The following RNF128 variants were observed in gnomAD, a reference collection of about 807,000 sequenced individuals.
RNF128 encodes the protein ring finger protein 128, also known as E3 ubiquitin-protein ligase RNF128.
Under a neutral mutation model 26.2 loss-of-function variants are expected in RNF128, and 13 were observed. The ratio of observed to expected loss-of-function variants is 0.50; its 90% CI spans 0.32 to 0.79. The LOEUF (loss-of-function observed/expected upper bound fraction) is 0.79, where lower values mean the gene tolerates loss of function less well. Ranked by LOEUF, RNF128 falls within the 30% of genes least tolerant of loss-of-function variation. RNF128 has a pLI of 0.03. For missense variants in RNF128, 315 were observed against 349.7 expected (o/e 0.90, Z 0.79); for synonymous variants, 149 against 142.5 (o/e 1.05, Z -0.32).
At chrX:106,791,384 C>T in intron 6 of RNF128, 150 bp downstream of exon 6, 2 of 418,706 alleles carry the variant, frequency 4.8e-6, no homozygotes, top group Middle Eastern at 7.7e-4. Context: ...GAAGGATGCA[C>T]CCCTACCTTA....
intron 1 of RNF128, among the ~76,000 whole-genome samples, chrX:106,758,148 T>C (rs1316683405): frequency 1.8e-5 from 2 of 111,925 alleles, no homozygotes; most frequent in African/African-American, 6.5e-5. Context: ...GCACACAATC[T>C]GAAAAAGAAA....
chrX:106,726,927 C>T lies in RNF128; in HGVS notation c.14C>T (p.Pro5Leu), dbSNP rs371528767. The T allele has an allele frequency of 2.4e-4, 287 of 1,175,598 alleles. No homozygotes were observed. The highest frequency in any genetic ancestry group is 2.5e-4 in the Admixed American group (10 of 40,285). ...AGCGCGCGCGCCATGGGGCCGCCGC[C>T]TGGGGCCGGGGTCTCCTGCCGCGGT... is the stretch of plus-strand genomic sequence containing the variant. MGPP[P>L]GAGVSCRGGC... The change falls in exon 1 of 7, where the codon CCT (proline) becomes CTT (leucine). Residue 5 changes from proline (P) to leucine (L), a missense_variant. Transcript: ENST00000255499.
rs927321172 is a variant in RNF128 at position 106,791,081 on chromosome X, G to A, written c.1000G>A (p.Gly334Arg). Residue 334 changes from glycine (G) to arginine (R), a missense_variant, in exon 6 of 7, where the codon GGA (glycine) becomes AGA (arginine). Transcript: ENST00000255499. ...TTCTTTAAAGGTGGATGTTGAAGATGGATCAGTGTCTTTACAAGTCCCTGT... is the reference window on the plus strand; with the variant it reads ...TTCTTTAAAGGTGGATGTTGAAGATAGATCAGTGTCTTTACAAGTCCCTGT... Reference protein sequence around the residue: ...ALGIEVDVEDGSVSLQVPVSN... With the variant: ...ALGIEVDVEDRSVSLQVPVSN... 4 of 1,204,002 alleles carry A rather than the reference G, an allele frequency of 3.3e-6. No individual in the cohort carries two copies. The highest frequency in any genetic ancestry group is 4.5e-6 in the Non-Finnish European group (4 of 891,457).
intron 1 of RNF128, among the ~76,000 whole-genome samples, chrX:106,754,354 G>T (rs1443450163): frequency 9.5e-6 from 1 of 105,378 alleles, no homozygotes. Flanking sequence ...CCAAGTAGCT[G>T]GGACTACAGT....
At chrX:106,712,676 T>A (rs1235735983) in intron 1 of RNF128, among the ~76,000 whole-genome samples, 1 of 111,235 alleles carries the variant, frequency 9.0e-6, no homozygotes, top group Non-Finnish European at 1.9e-5. Context: ...TCTTCCCTCT[T>A]AACTGAGTTA....
chrX:106,758,712 C>A (rs1304432867), intron 1 of RNF128, among the ~76,000 whole-genome samples: 2 of 111,714 alleles, frequency 1.8e-5, no homozygotes, highest in Non-Finnish European at 3.8e-5. Context: ...ATGCTGCTGG[C>A]AAAACTGCAT....
chrX:106,700,149 A>C (rs1246162846), intron 1 of RNF128, among the ~76,000 whole-genome samples: 1 of 108,829 alleles, frequency 9.2e-6, no homozygotes, highest in Non-Finnish European at 1.9e-5. Context: ...CAGCCTCCCA[A>C]GTAGCTGGGA....
intron 1 of RNF128, among the ~76,000 whole-genome samples, chrX:106,765,747 AGGC>A (rs1357810800): frequency 9.0e-6 from 1 of 111,322 alleles, no homozygotes; most frequent in African/African-American, 3.3e-5. Context: ...TTTAAGTTCT[AGGC>A]TACATGTGCA....
At chrX:106,718,383 G>A (rs187066769) in intron 1 of RNF128, among the ~76,000 whole-genome samples, 1 of 111,538 alleles carries the variant, frequency 9.0e-6, no homozygotes, top group East Asian at 2.8e-4. Flanking sequence ...ACTTTCTGTG[G>A]CTCTAGAGTT....
rs765251558 is a variant in RNF128, at chrX:106,791,316, G to A, written c.1153+82G>A. The A allele has an allele frequency of 1.1e-5, 10 of 937,772 alleles. No individual in the cohort carries two copies. In the African/African-American group the frequency reaches 1.2e-4, roughly 11 times the overall value. 77.3% of individuals were successfully genotyped at this position (937,772 alleles called of 1,213,427 possible). On this transcript the variant is annotated intron_variant, in intron 6 of 6. Coordinates refer to ENST00000255499, the MANE Select transcript of RNF128 (RefSeq NM_194463.2). ...CTGTATAGTACTCTTGCTTTTTAGC[G>A]TTTGTTCCATTCAGCCATTATCATG...
intron 1 of RNF128, among the ~76,000 whole-genome samples, chrX:106,699,800 C>T (rs185711419): frequency 9.0e-6 from 1 of 111,316 alleles, no homozygotes; most frequent in Admixed American, 9.6e-5. Flanking sequence ...TTCTCCAACA[C>T]GTGAAGCTTT....
chrX:106,763,142 G>A (rs1385359802), intron 1 of RNF128, among the ~76,000 whole-genome samples: 1 of 108,880 alleles, frequency 9.2e-6, no homozygotes, highest in African/African-American at 3.3e-5. Flanking sequence ...CAAGCAGAAA[G>A]GTCAACTCTA....
chrX:106,776,838 G>A (rs1476465275), intron 2 of RNF128, among the ~76,000 whole-genome samples: 1 of 111,516 alleles, frequency 9.0e-6, no homozygotes, highest in African/African-American at 3.3e-5. Flanking sequence ...GTACTCCCAT[G>A]GGAGGGAAAT....
upstream of RNF128, among the ~76,000 whole-genome samples, chrX:106,725,604 T>A (rs777371089): frequency 8.0e-5 from 9 of 112,574 alleles, no homozygotes; most frequent in Non-Finnish European, 1.1e-4. Context: ...TAGAATTGTG[T>A]CTCTGAACCT....
In RNF128 at chrX:106,699,977, A is replaced by T. The variant is rs1015114946; in HGVS notation, c.406+5569A>T. On this transcript the variant is annotated intron_variant, in intron 1 of 6. Coordinates refer to the RNF128 transcript ENST00000324342. ...CTTCAGGTCGTTCTTGTTAAAATTT[A>T]TTTTAATGTATATTTTCTTTTTTAA... 1.6e-4 allele frequency among the ~76,000 whole-genome samples: 18 copies of T among 110,106 alleles called. No homozygotes were observed. The Admixed American group carries it at 1.6e-3, about 10-fold the overall frequency.
At chrX:106,708,978 G>A (rs1929084219) in intron 1 of RNF128, among the ~76,000 whole-genome samples, 1 of 111,356 alleles carries the variant, frequency 9.0e-6, no homozygotes, top group African/African-American at 3.3e-5. Flanking sequence ...AAATTGTGGG[G>A]TCTTTTTTTG....
In RNF128 at chrX:106,744,477, A is replaced by AATAT. The variant is rs767816803; in HGVS notation, c.484+17091_484+17094dup. Among the ~76,000 whole-genome samples, 96 of 110,060 alleles carry AATAT rather than the reference A, an allele frequency of 8.7e-4. 1 individual carries two copies. Among genetic ancestry groups the AATAT allele is most frequent in the African/African-American group, 3.1e-3 (94 of 30,338 alleles). ...CATGAACTTATGATTATTTTAAATG[A>AATAT]ATATATATATATATTGAGATGGAGT... On this transcript the variant is annotated intron_variant, in intron 1 of 6. Transcript: ENST00000255499.
chrX:106,783,027 A>G (rs1398352550), intron 2 of RNF128, among the ~76,000 whole-genome samples: 1 of 112,124 alleles, frequency 8.9e-6, no homozygotes, highest in Non-Finnish European at 1.9e-5. Context: ...GTTCACAATT[A>G]TGTCCCAAAA....
chrX:106,779,487 T>C (rs1930530082), intron 2 of RNF128, among the ~76,000 whole-genome samples: 1 of 109,143 alleles, frequency 9.2e-6, no homozygotes, highest in Non-Finnish European at 1.9e-5. Flanking sequence ...TTTGAACTCA[T>C]AGATGCAGAG....
Sources: gnomAD v4.1 joint callset for allele counts (sites outside exome capture counted in the v4.1 genomes callset) on GRCh38, gnomAD v4.1.1 for gene constraint, MANE v1.5 for transcripts, NCBI Gene and HGNC (gene_info 2026-07-23, HGNC 2026-07-21) for gene names.